The following TLE1 variants were observed in gnomAD, a reference collection of about 807,000 sequenced individuals.
The protein encoded by TLE1 is TLE family member 1, transcriptional corepressor.
TLE1 carries 21 observed loss-of-function variants against 89.8 expected under a neutral mutation model. That is an observed-to-expected ratio of 0.23 (90% CI 0.17 to 0.34). The LOEUF is 0.34. TLE1 is among the 10% of genes least tolerant of loss of function. TLE1 has a pLI of 1.00. For missense variants in TLE1, 795 were observed against 1,031.2 expected (o/e 0.77, Z 3.14); for synonymous variants, 447 against 407.6 (o/e 1.10, Z -1.16).
chr9:81,628,668 C>T (rs553403703), intron 8 of TLE1, among the ~76,000 whole-genome samples: 1 of 152,240 alleles, frequency 6.6e-6, no homozygotes, highest in African/African-American at 2.4e-5. Context: ...ATAATTATCT[C>T]TAGGCAAGTT....
intron 11 of TLE1, among the ~76,000 whole-genome samples, chr9:81,614,449 C>T (rs1404533057): frequency 5.3e-5 from 8 of 152,152 alleles, no homozygotes; most frequent in African/African-American, 1.9e-4. Context: ...CAGACAGTAA[C>T]AGGGTTACAG....
intron 18 of TLE1, 124 bp downstream of exon 18, chr9:81,585,381 G>A: frequency 8.0e-7 from 1 of 1,245,902 alleles, no homozygotes; most frequent in Non-Finnish European, 1.1e-6. Context: ...TAAAACAATA[G>A]AATTATTGCA....
chr9:81,651,325 T>A (rs1324762469), intron 6 of TLE1, among the ~76,000 whole-genome samples: 1 of 152,170 alleles, frequency 6.6e-6, no homozygotes, highest in East Asian at 1.9e-4. Context: ...ATGAGAACCA[T>A]CCCAGGTCCT....
chr9:81,595,556 C>T (rs815859), intron 14 of TLE1, among the ~76,000 whole-genome samples: 24,195 of 152,156 alleles, frequency 0.16, 2,378 homozygotes, highest in Middle Eastern at 0.26. Context: ...CGGTGGCTCA[C>T]GCCTGTAATC....
At chr9:81,586,204 AG>A (rs1357189809) in intron 17 of TLE1, among the ~76,000 whole-genome samples, 1 of 152,046 alleles carries the variant, frequency 6.6e-6, no homozygotes, top group Non-Finnish European at 1.5e-5. Context: ...TTTTTAGTAA[AG>A]ACGGGGTTTC....
chr9:81,586,779 AAG>A (rs1367667217), intron 17 of TLE1, among the ~76,000 whole-genome samples: 1 of 152,222 alleles, frequency 6.6e-6, no homozygotes, highest in East Asian at 1.9e-4. Context: ...GAATTTCTCT[AAG>A]AAGTTTTAAA....
intron 8 of TLE1, among the ~76,000 whole-genome samples, chr9:81,628,454 C>G (rs1262997526): frequency 1.3e-5 from 2 of 152,070 alleles, no homozygotes; most frequent in Non-Finnish European, 2.9e-5. Flanking sequence ...CAGAAAAAGA[C>G]CAACAGTATT....
At chr9:81,616,816 G>A in intron 9 of TLE1, 117 bp from the exon 10 acceptor site, 2 of 1,047,954 alleles carry the variant, frequency 1.9e-6, no homozygotes, top group Non-Finnish European at 2.9e-6. Flanking sequence ...ACCTGGGACA[G>A]GCCTGCAGGC....
At chr9:81,603,657 CA>C (rs1831249220) in intron 14 of TLE1, among the ~76,000 whole-genome samples, 1 of 152,160 alleles carries the variant, frequency 6.6e-6, no homozygotes, top group Non-Finnish European at 1.5e-5. Context: ...GCCTCCAGCC[CA>C]AAACTCTTTT....
chr9:81,611,996 C>T (rs749102714), intron 12 of TLE1, 37 bp from the exon 13 acceptor site: 1 of 1,396,670 alleles, frequency 7.2e-7, no homozygotes, highest in Non-Finnish European at 9.4e-7. Context: ...ATTCAACTGA[C>T]CCACTCCATC....
chr9:81,669,775 G>T (rs1831977606), intron 4 of TLE1, among the ~76,000 whole-genome samples: 1 of 152,160 alleles, frequency 6.6e-6, no homozygotes, highest in South Asian at 2.1e-4. Context: ...TGGGAACCCA[G>T]AGTCTAATCA....
intron 4 of TLE1, among the ~76,000 whole-genome samples, chr9:81,664,553 G>A (rs984261678): frequency 1.3e-5 from 2 of 152,090 alleles, no homozygotes; most frequent in Non-Finnish European, 2.9e-5. Context: ...ACATTTTGGG[G>A]AAATCCAAAT....
intron 6 of TLE1, among the ~76,000 whole-genome samples, chr9:81,646,616 T>C (rs1304894679): frequency 2.0e-5 from 3 of 152,196 alleles, no homozygotes; most frequent in Non-Finnish European, 4.4e-5. Flanking sequence ...ATCCCATAGA[T>C]AGCTGACAGC....
chr9:81,632,065 G>C (rs1187713420), intron 8 of TLE1, among the ~76,000 whole-genome samples: 1 of 152,148 alleles, frequency 6.6e-6, no homozygotes, highest in Non-Finnish European at 1.5e-5. Flanking sequence ...ACCCCAGCCT[G>C]GGTGACAGAG....
At chr9:81,606,805 A>G (rs1237844471) in intron 14 of TLE1, among the ~76,000 whole-genome samples, 1 of 151,736 alleles carries the variant, frequency 6.6e-6, no homozygotes, top group African/African-American at 2.4e-5. Flanking sequence ...ATATATATAG[A>G]GAGAGAGGCA....
intron 6 of TLE1, 40 bp downstream of exon 6, chr9:81,652,174 T>C (rs1588127949): frequency 1.3e-6 from 2 of 1,586,720 alleles, no homozygotes; most frequent in Non-Finnish European, 1.7e-6. Flanking sequence ...TGAAAGCTGG[T>C]TATACACACT....
intron 14 of TLE1, among the ~76,000 whole-genome samples, chr9:81,597,527 G>A (rs1005870438): frequency 2.6e-5 from 4 of 152,252 alleles, no homozygotes; most frequent in South Asian, 2.1e-4. Flanking sequence ...GGATAGAATC[G>A]TGGCAAACTG....
chr9:81,670,453 G>A (rs567285008), intron 4 of TLE1, among the ~76,000 whole-genome samples: 2 of 152,092 alleles, frequency 1.3e-5, no homozygotes, highest in South Asian at 4.1e-4. Context: ...AGCCTCCCTA[G>A]TAGCTGGGAC....
chr9:81,619,878 C>A (rs1351100013), intron 9 of TLE1, among the ~76,000 whole-genome samples: 1 of 152,172 alleles, frequency 6.6e-6, no homozygotes, highest in African/African-American at 2.4e-5. Flanking sequence ...TCTGGGGTTT[C>A]TTCCATTTTG....
Sources: gnomAD v4.1 joint callset for allele counts (sites outside exome capture counted in the v4.1 genomes callset) on GRCh38, gnomAD v4.1.1 for gene constraint, MANE v1.5 for transcripts, NCBI Gene and HGNC (gene_info 2026-07-23, HGNC 2026-07-21) for gene names.